CDH17: variants seen among roughly 807,000 people sequenced by gnomAD.
The protein encoded by CDH17 is cadherin-17.
CDH17 carries 67 observed loss-of-function variants against 86.3 expected under a neutral mutation model. That is an observed-to-expected ratio of 0.78 (90% CI 0.64 to 0.95). The LOEUF is 0.95. CDH17 is among the 40% of genes least tolerant of loss of function. CDH17 has a pLI of 0.00. For missense variants in CDH17, 993 were observed against 1,017.6 expected (o/e 0.98, Z 0.33); for synonymous variants, 367 against 366.4 (o/e 1.00, Z -0.02).
intron 15 of CDH17, among the ~76,000 whole-genome samples, chr8:94,138,669 C>T (rs1373567084): frequency 6.6e-6 from 1 of 152,102 alleles, no homozygotes. Flanking sequence ...GGGAAAGAAC[C>T]ACCTAAAAAG....
intron 3 of CDH17, among the ~76,000 whole-genome samples, chr8:94,180,745 A>G (rs1019531661): frequency 1.3e-5 from 2 of 152,084 alleles, no homozygotes; most frequent in Admixed American, 1.3e-4. Flanking sequence ...AACACAAAAA[A>G]TTAGCCGGGC....
intron 15 of CDH17, among the ~76,000 whole-genome samples, chr8:94,139,007 C>A (rs181067405): frequency 3.4e-4 from 52 of 152,014 alleles, no homozygotes; most frequent in Admixed American, 5.9e-4. Context: ...AAAAATATGA[C>A]CTATGAGAGA....
intron 15 of CDH17, among the ~76,000 whole-genome samples, chr8:94,135,173 G>A (rs945871072): frequency 6.6e-6 from 1 of 152,134 alleles, no homozygotes; most frequent in Admixed American, 6.5e-5. Context: ...TGTCTATTAG[G>A]TCTGATTGGT....
chr8:94,159,361 G>A (rs530112182), intron 12 of CDH17, among the ~76,000 whole-genome samples: 4 of 152,134 alleles, frequency 2.6e-5, no homozygotes, highest in South Asian at 2.1e-4. Context: ...GTAAAGCAGC[G>A]GAGAGGGGGA....
At chr8:94,196,229 T>C (rs941370786) in intron 1 of CDH17, among the ~76,000 whole-genome samples, 19 of 152,332 alleles carry the variant, frequency 1.2e-4, no homozygotes, top group African/African-American at 4.1e-4. Context: ...TTCACTAACA[T>C]TTTAACCACT....
intron 3 of CDH17, among the ~76,000 whole-genome samples, chr8:94,180,060 G>T (rs1813449300): frequency 6.6e-6 from 1 of 151,950 alleles, no homozygotes; most frequent in Non-Finnish European, 1.5e-5. Context: ...ATTAAAGTTT[G>T]AAAACAATGC....
rs954397600 is a variant in CDH17, at chr8:94,203,524, G to A, written c.-21+4959C>T. On this transcript the variant is annotated intron_variant, in intron 1 of 17. Coordinates refer to ENST00000027335, the MANE Select transcript of CDH17 (RefSeq NM_004063.4). ...CAAGGCCAGATAGATATAAAGATCA[G>A]ATGAAAATCTCGCCCAAACCATTTT... Among the ~76,000 whole-genome samples, 7 of 152,302 alleles carry A rather than the reference G, an allele frequency of 4.6e-5. No homozygotes were observed. The South Asian group carries it at 8.3e-4, about 18-fold the overall frequency.
rs558148314 is a variant in CDH17, at chr8:94,146,413, C to T, written c.1928-246G>A. Among the ~76,000 whole-genome samples the T allele has an allele frequency of 2.6e-5, 4 of 152,312 alleles. No individual in the cohort carries two copies. The South Asian group carries it at 6.2e-4, about 24-fold the overall frequency. Reference sequence around the variant, plus strand: ...CTTCAAAATAATTGTGAAAACTGAGCTCAGAAGTTGTGTAACTTGCCCAAG... The same window carrying T: ...CTTCAAAATAATTGTGAAAACTGAGTTCAGAAGTTGTGTAACTTGCCCAAG... On this transcript the variant is annotated intron_variant, in intron 14 of 17. Coordinates refer to ENST00000027335, the MANE Select transcript of CDH17 (RefSeq NM_004063.4).
chr8:94,168,386 A>T (rs1161751952), intron 9 of CDH17, among the ~76,000 whole-genome samples: 2 of 147,200 alleles, frequency 1.4e-5, no homozygotes, highest in African/African-American at 2.5e-5. Context: ...TGATCTGCTC[A>T]TCTTGGCCTC....
At chr8:94,207,568 T>C (rs1034075264) in intron 1 of CDH17, among the ~76,000 whole-genome samples, 1 of 152,228 alleles carries the variant, frequency 6.6e-6, no homozygotes, top group African/African-American at 2.4e-5. Flanking sequence ...GAGAGCTGAA[T>C]AGCATTCATC....
chr8:94,167,011 G>GGACGCTAATACACATGGCAAATGGT (rs1813170320), intron 9 of CDH17, among the ~76,000 whole-genome samples: 3 of 152,254 alleles, frequency 2.0e-5, no homozygotes, highest in Non-Finnish European at 4.4e-5. Flanking sequence ...TGTAGCCCTA[G>GGACGCTAATACACATGGCAAATGGT]GACGCTAATA....
At chr8:94,148,957 G>T in intron 13 of CDH17, 83 bp from the exon 14 acceptor site, 2 of 1,150,546 alleles carry the variant, frequency 1.7e-6, no homozygotes, top group Non-Finnish European at 1.2e-6. Flanking sequence ...AACTAAATAT[G>T]TTTGTGCATC....
intron 3 of CDH17, 94 bp from the exon 4 acceptor site, chr8:94,177,815 T>A: frequency 8.4e-7 from 1 of 1,193,866 alleles, no homozygotes; most frequent in Non-Finnish European, 1.2e-6. Context: ...AAATTTTCAT[T>A]GGTTCAATTA....
intron 17 of CDH17, among the ~76,000 whole-genome samples, chr8:94,129,241 A>G (rs1030735717): frequency 6.6e-6 from 1 of 152,170 alleles, no homozygotes; most frequent in African/African-American, 2.4e-5. Context: ...GTGGGAGGGC[A>G]AATAGAATAA....
chr8:94,165,160 T>C (rs1813128260), intron 10 of CDH17, among the ~76,000 whole-genome samples: 1 of 152,150 alleles, frequency 6.6e-6, no homozygotes, highest in Non-Finnish European at 1.5e-5. Flanking sequence ...AACAACAGGG[T>C]TGTTAATTGA....
At chr8:94,196,649 G>A (rs764823545) in intron 1 of CDH17, among the ~76,000 whole-genome samples, 10 of 152,210 alleles carry the variant, frequency 6.6e-5, no homozygotes, top group Non-Finnish European at 1.5e-4. Context: ...AAGGGTAAGA[G>A]AGTCCTCAGT....
At chr8:94,183,618 A>G (rs892126613) in intron 3 of CDH17, among the ~76,000 whole-genome samples, 4 of 152,168 alleles carry the variant, frequency 2.6e-5, no homozygotes, top group African/African-American at 4.8e-5. Flanking sequence ...CTCTGAGAAG[A>G]AAGCATAGAC....
Position 94,173,979 on chromosome 8 carries a change from G to T in CDH17, c.601C>A (p.Pro201Thr), listed in dbSNP as rs1368614527. 2 of 1,613,734 alleles carry T rather than the reference G, an allele frequency of 1.2e-6. No individual in the cohort carries two copies. The highest frequency in any genetic ancestry group is 1.7e-6 in the Non-Finnish European group (2 of 1,179,774). ...LTREGSQELN[P>T]AKNPSYNLVI... ...AGATTATAGGAAGGATTCTTAGCAGGATTCAATTCCTGAGATCCTGTGAGA... is the reference window on the plus strand; with the variant it reads ...AGATTATAGGAAGGATTCTTAGCAGTATTCAATTCCTGAGATCCTGTGAGA... Residue 201 changes from proline (P) to threonine (T), a missense_variant, in exon 7 of 18, where the codon CCT becomes ACT. Coordinates refer to ENST00000027335, the MANE Select transcript of CDH17 (RefSeq NM_004063.4).
intron 15 of CDH17, among the ~76,000 whole-genome samples, chr8:94,132,633 G>A (rs2130567386): frequency 6.6e-6 from 1 of 152,136 alleles, no homozygotes; most frequent in Non-Finnish European, 1.5e-5. Flanking sequence ...TCACTCTGAT[G>A]GTAGTTTCTT....
Sources: allele counts gnomAD v4.1 joint callset (sites outside exome capture counted in the v4.1 genomes callset), GRCh38; gene constraint gnomAD v4.1.1; transcripts MANE v1.5; gene names NCBI Gene and HGNC (gene_info 2026-07-23, HGNC 2026-07-21).